Variants in PDGFRA observed in about 807,000 individuals in gnomAD.
PDGFRA encodes the protein platelet derived growth factor receptor alpha.
PDGFRA carries 25 observed loss-of-function variants against 121.5 expected under a neutral mutation model. The observed-to-expected ratio is 0.21, with a 90% CI of 0.15 to 0.29. The LOEUF (loss-of-function observed/expected upper bound fraction) is 0.29. Among genes scored for constraint, PDGFRA ranks in the 10% least tolerant of loss-of-function variants. The pLI is 1.00. For missense variants in PDGFRA, 1,008 were observed against 1,345.1 expected (o/e 0.75, Z 3.92); for synonymous variants, 463 against 494.8 (o/e 0.94, Z 0.85).
rs1060501511 is a variant in PDGFRA at position 54,288,892 on chromosome 4, G to C, written c.2768G>C (p.Ser923Thr). 6.2e-7 allele frequency: 1 copy of C among 1,602,968 alleles called. No individual in the cohort carries two copies. Residue 923 changes from serine (S) to threonine (T), a missense_variant, in exon 20 of 23, where the codon AGT becomes ACT. This residue lies in a region of PDGFRA where 204 missense variants were observed against 243.0 expected (regional missense o/e 0.84). Transcript: ENST00000257290. The part of the protein sequence containing the change: ...YRMAKPDHAT[S>T]EVYEIMVKCW... ...ATGGCCAAGCCTGACCACGCTACCAGTGAAGTGTGAGCTCCTTCCCCATCC... is the reference window on the plus strand; with the variant it reads ...ATGGCCAAGCCTGACCACGCTACCACTGAAGTGTGAGCTCCTTCCCCATCC...
rs761446758 is a variant in PDGFRA, at chr4:54,264,919, C to A, written c.629C>A (p.Ala210Glu). 3 of 1,610,570 alleles carry A rather than the reference C, an allele frequency of 1.9e-6. No homozygotes were observed. The highest frequency in any genetic ancestry group is 2.2e-5 in the South Asian group (2 of 90,994). ...CCCTTGTATTTGTTCTTTTTTATAG[C>A]AACATCAGAGCTGGATCTAGAAATG... ...TIPFNVYALK[A>E]TSELDLEMEA... The change falls in exon 5 of 23, where the codon GCA becomes GAA. Residue 210 changes from alanine to glutamate, a missense_variant and splice_region_variant. By Grantham distance (107) the Ala-to-Glu change is moderately radical (BLOSUM62 -1). This residue lies in a region of PDGFRA where 575 missense variants were observed against 701.8 expected (regional missense o/e 0.82). Coordinates refer to ENST00000257290, the MANE Select transcript of PDGFRA (RefSeq NM_006206.6).
rs200033396 is a variant in PDGFRA at position 54,267,425 on chromosome 4, T to C, written c.896T>C (p.Val299Ala). Residue 299 changes from valine (V) to alanine (A), a missense_variant, in exon 6 of 23, where the codon GTC (valine) becomes GCC (alanine). By Grantham distance (64) the Val-to-Ala change is moderately conservative. Around this residue, in one of 5 missense-constraint regions of PDGFRA, gnomAD observed 575 missense variants for 701.8 expected, o/e 0.82. Transcript: ENST00000257290. ...ECAARQATRE[V>A]KEMKKVTISV... Reference sequence around the variant, plus strand: ...GCTGCCCGCCAGGCTACCAGGGAGGTCAAAGAAATGAAGAAAGTCACTATT... The same window carrying C: ...GCTGCCCGCCAGGCTACCAGGGAGGCCAAAGAAATGAAGAAAGTCACTATT... The C allele has an allele frequency of 4.8e-5, 78 of 1,613,832 alleles. No homozygotes were observed. Among genetic ancestry groups the C allele is most frequent in the African/African-American group, 1.3e-5 (1 of 74,830 alleles).
intron 1 of PDGFRA, among the ~76,000 whole-genome samples, chr4:54,247,154 G>A (rs1721727175): frequency 6.6e-6 from 1 of 152,156 alleles, no homozygotes; most frequent in Non-Finnish European, 1.5e-5. Context: ...GGAGGAACTG[G>A]TACCATTCCT....
intron 21 of PDGFRA, 23 bp from the exon 22 acceptor site, chr4:54,290,286 TTAAA>T (rs1724558001): frequency 6.3e-7 from 1 of 1,583,894 alleles, no homozygotes; most frequent in Admixed American, 1.7e-5. Context: ...TAACACTTGA[TTAAA>T]TATGTTCAAT....
intron 8 of PDGFRA, among the ~76,000 whole-genome samples, chr4:54,271,292 T>G (rs1366251051): frequency 6.6e-6 from 1 of 152,198 alleles, no homozygotes; most frequent in East Asian, 1.9e-4. Flanking sequence ...ATGAGCCAGG[T>G]GCTGTCTGAG....
rs990812981 is a variant in PDGFRA at position 54,272,310 on chromosome 4, G to A, written c.1238-84G>A. ...AGTGTTTTGAATGCCATGTAGATGA[G>A]TTGTGAACTCATATTCCACTTTGTA... On this transcript the variant is annotated intron_variant, in intron 8 of 22. Transcript: ENST00000257290. The A allele has an allele frequency of 1.5e-4, 224 of 1,478,086 alleles. 4 individuals are homozygous for A. The South Asian group carries it at 2.1e-3, about 14-fold the overall frequency. 91.6% of individuals were successfully genotyped at this position (1,478,086 alleles called of 1,614,324 possible).
chr4:54,276,344 G>A (rs1310941287), intron 12 of PDGFRA, among the ~76,000 whole-genome samples: 1 of 152,026 alleles, frequency 6.6e-6, no homozygotes, highest in Non-Finnish European at 1.5e-5. Flanking sequence ...AGTAATAGTA[G>A]TAATAGTAGA....
At chr4:54,230,808 C>T (rs1720617467) in intron 1 of PDGFRA, among the ~76,000 whole-genome samples, 1 of 152,224 alleles carries the variant, frequency 6.6e-6, no homozygotes, top group Non-Finnish European at 1.5e-5. Context: ...CGTACTTCTC[C>T]TTCCTCTGCT....
chr4:54,287,625 A>C, intron 19 of PDGFRA, 84 bp downstream of exon 19: 1 of 773,866 alleles, frequency 1.3e-6, no homozygotes, highest in Non-Finnish European at 2.4e-6. Context: ...CCCAGGATGT[A>C]GACAGTGTTA....
chr4:54,258,069 C>T (rs1311049442), intron 1 of PDGFRA, among the ~76,000 whole-genome samples: 1 of 152,134 alleles, frequency 6.6e-6, no homozygotes, highest in African/African-American at 2.4e-5. Context: ...TCCCTCCTAC[C>T]CCCTGCACAG....
intron 22 of PDGFRA, among the ~76,000 whole-genome samples, chr4:54,293,850 T>C (rs973147900): frequency 2.0e-5 from 3 of 151,176 alleles, no homozygotes; most frequent in African/African-American, 7.3e-5. Flanking sequence ...TGCATGGCCC[T>C]TGGACAGAGG....
In PDGFRA at chr4:54,295,832, TTAAAGAGA is replaced by T; in HGVS notation, c.*567_*574del. The T allele has an allele frequency of 4.2e-6, 1 of 236,560 alleles. No individual in the cohort carries two copies. Among genetic ancestry groups the T allele is most frequent in the Non-Finnish European group, 8.3e-6 (1 of 119,906 alleles). The allele number at this position is 236,560 out of a possible 1,614,324, so 14.7% of individuals were successfully genotyped here. A position where few individuals can be genotyped will look rare whatever the true frequency, so the allele number is the denominator to read the frequency against. ...TAGCATTTTGCTATCTTTTTTAGTG[TTAAAGAGA>T]TAAAGAATAATAATTAACCAACCTT... On this transcript the variant is annotated 3_prime_UTR_variant, in exon 23 of 23. Coordinates refer to ENST00000257290, the MANE Select transcript of PDGFRA (RefSeq NM_006206.6).
At chr4:54,232,938 C>T (rs1452155471) in intron 1 of PDGFRA, among the ~76,000 whole-genome samples, 3 of 152,160 alleles carry the variant, frequency 2.0e-5, no homozygotes, top group African/African-American at 7.2e-5. Flanking sequence ...CTCAGCATTC[C>T]CGGTGAGCCG....
rs1171641135 is a variant in PDGFRA, at chr4:54,280,444, A to T, written c.2285A>T (p.Tyr762Phe). The change falls in exon 16 of 23, where the codon TAT becomes TTT. Residue 762 changes from tyrosine to phenylalanine, a missense_variant. This residue lies in a region of PDGFRA where 128 missense variants were observed against 147.6 expected (regional missense o/e 0.87). Coordinates refer to ENST00000257290, the MANE Select transcript of PDGFRA (RefSeq NM_006206.6). Reference protein sequence around the residue: ...SKYSDIQRSLYDRPASYKKKS... With the variant: ...SKYSDIQRSLFDRPASYKKKS... ...TATTCCGACATCCAGAGATCACTCT[A>T]TGATCGTCCAGCCTCATATAAGAAG... 1 of 1,613,860 alleles carries T rather than the reference A, an allele frequency of 6.2e-7. No homozygotes were observed. The highest frequency in any genetic ancestry group is 8.5e-7 in the Non-Finnish European group (1 of 1,179,718).
Position 54,297,012 on chromosome 4 carries a change from C to T in PDGFRA, c.*1740C>T. On this transcript the variant is annotated 3_prime_UTR_variant, in exon 23 of 23. Coordinates refer to ENST00000257290, the MANE Select transcript of PDGFRA (RefSeq NM_006206.6). ...CCCGTCTTCTGCCTCCCACTCCATA[C>T]CCCGCCAAGGAAAGGCATGTACAAA... The T allele has an allele frequency of 8.6e-6, 2 of 233,176 alleles. No homozygotes were observed. Among genetic ancestry groups the T allele is most frequent in the East Asian group, 6.0e-5 (1 of 16,582 alleles). 14.4% of individuals were successfully genotyped at this position (233,176 alleles called of 1,614,324 possible).
chr4:54,284,019 C>A (rs914721054), intron 16 of PDGFRA, among the ~76,000 whole-genome samples: 2 of 152,230 alleles, frequency 1.3e-5, no homozygotes, highest in Admixed American at 6.5e-5. Flanking sequence ...TTAGAAATTT[C>A]TTCCACCAGA....
chr4:54,289,555 A>G (rs1173725943), intron 21 of PDGFRA, among the ~76,000 whole-genome samples: 1 of 152,232 alleles, frequency 6.6e-6, no homozygotes, highest in East Asian at 1.9e-4. Flanking sequence ...AACAAATGTA[A>G]TTTCTTGGAA....
Position 54,295,183 on chromosome 4 carries a change from AAG to A in PDGFRA, c.3188_3189del (p.Glu1063GlyfsTer5), listed in dbSNP as rs2110358699. 2 of 1,614,008 alleles carry A rather than the reference AAG, an allele frequency of 1.2e-6. No homozygotes were observed. The highest frequency in any genetic ancestry group is 1.7e-6 in the Non-Finnish European group (2 of 1,179,874). On this transcript the variant is annotated frameshift_variant, in exon 23 of 23. Coordinates refer to ENST00000257290, the MANE Select transcript of PDGFRA (RefSeq NM_006206.6). LOFTEE classifies it high-confidence loss of function. ...ETGSSSSTFI[K>X]REDETIEDID... ...GGGTTCCAGCAGTTCCACCTTCATC[AAG>A]AGAGAGGACGAGACCATTGAAGACA...
chr4:54,261,932 T>TATATATATATATATATA (rs1553902514), intron 3 of PDGFRA, among the ~76,000 whole-genome samples: 2 of 35,530 alleles, frequency 5.6e-5, no homozygotes, highest in African/African-American at 2.1e-4. Flanking sequence ...TATATATATA[T>TATATATATATATATATA]TTTTTTTTTT....
Sources: allele counts gnomAD v4.1 joint callset (sites outside exome capture counted in the v4.1 genomes callset), GRCh38; gene constraint gnomAD v4.1.1; regional missense constraint gnomAD v4.1.1; transcripts MANE v1.5; gene names NCBI Gene and HGNC (gene_info 2026-07-23, HGNC 2026-07-21).